Variants in PHF21A observed in about 807,000 individuals in gnomAD.
The protein encoded by PHF21A is BHC80a.
Under a neutral mutation model 82.5 loss-of-function variants are expected in PHF21A, and 11 were observed. The observed-to-expected ratio is 0.13, with a 90% confidence interval of 0.08 to 0.22. The LOEUF (loss-of-function observed/expected upper bound fraction) is 0.22, where lower values mean the gene tolerates loss of function less well. Among genes scored for constraint, PHF21A ranks in the 10% least tolerant of loss-of-function variants. PHF21A has a pLI of 1.00. For synonymous variants in PHF21A, 297 were observed against 302.8 expected (o/e 0.98, Z 0.20); for missense variants, 579 against 837.8 (o/e 0.69, Z 3.81).
chr11:46,016,825 C>T (rs962154084), intron 6 of PHF21A, among the ~76,000 whole-genome samples: 3 of 151,744 alleles, frequency 2.0e-5, no homozygotes, highest in African/African-American at 7.3e-5. Flanking sequence ...ATCTAGAATG[C>T]AGACCTATAG....
intron 11 of PHF21A, 35 bp downstream of exon 11, chr11:45,953,492 T>C (rs371203874): frequency 6.5e-5 from 87 of 1,330,854 alleles, no homozygotes; most frequent in Admixed American, 2.9e-4. Context: ...CCATACACCA[T>C]AGACTGAGAC....
intron 6 of PHF21A, among the ~76,000 whole-genome samples, chr11:46,060,852 T>C (rs1480805642): frequency 6.6e-6 from 1 of 152,182 alleles, no homozygotes; most frequent in Non-Finnish European, 1.5e-5. Flanking sequence ...TTTTGCTCAA[T>C]TGCTTTTGCA....
Position 45,949,550 on chromosome 11 carries a change from T to C in PHF21A, c.1148-69A>G, listed in dbSNP as rs556170360. 3.4e-5 allele frequency: 42 copies of C among 1,241,052 alleles called. 1 individual carries two copies. In the African/African-American group the frequency reaches 5.6e-4, roughly 17 times the overall value. 76.9% of individuals were successfully genotyped at this position (1,241,052 alleles called of 1,614,324 possible). A position where few individuals can be genotyped will look rare whatever the true frequency, so the allele number is the denominator to read the frequency against. ...ACCTAAAAAACTTAACTTCATTGTT[T>C]TATCTATTGGTTTTCCCATAAGAAA... On this transcript the variant is annotated intron_variant, in intron 12 of 18. Coordinates refer to ENST00000676320, the MANE Select transcript of PHF21A (RefSeq NM_001352027.3).
chr11:46,011,704 T>C (rs1011578269), intron 6 of PHF21A, among the ~76,000 whole-genome samples: 1 of 152,328 alleles, frequency 6.6e-6, no homozygotes, highest in East Asian at 1.9e-4. Flanking sequence ...TTTCAAGCAA[T>C]GTATTTAGCT....
rs762160490 is a variant in PHF21A, at chr11:45,935,654, C to T, written c.1770G>A (p.Gln590=). 1 of 1,514,418 alleles carries T rather than the reference C, an allele frequency of 6.6e-7. No homozygotes were observed. The highest frequency in any genetic ancestry group is 1.1e-5 in the South Asian group (1 of 88,990). 93.8% of individuals were successfully genotyped at this position (1,514,418 alleles called of 1,614,324 possible). ...EREQLEQKVK[Q]LSNSISKCME... ...TACTTACACTTATGGAATTGCTGAG[C>T]TGTTTCACCTTTTGCTCTAGTTGTT... Residue 590 remains glutamine, a synonymous_variant, in exon 18 of 19, where the codon CAG becomes CAA. Transcript: ENST00000676320.
At chr11:45,986,032 C>T (rs142730304) in intron 6 of PHF21A, among the ~76,000 whole-genome samples, 293 of 144,402 alleles carry the variant, frequency 2.0e-3, no homozygotes, top group African/African-American at 6.7e-3. Flanking sequence ...GATTAGACTT[C>T]GGCTTACTTT....
chr11:45,946,594 C>T (rs960775528), intron 14 of PHF21A, among the ~76,000 whole-genome samples: 1 of 152,142 alleles, frequency 6.6e-6, no homozygotes, highest in Non-Finnish European at 1.5e-5. Context: ...CCAGGATGGT[C>T]TCGATCTCCT....
Position 45,934,009 on chromosome 11 carries a change from T to C in PHF21A, c.2005A>G (p.Ser669Gly). The change falls in exon 19 of 19, where the codon AGC becomes GGC. Residue 669 changes from serine (S) to glycine (G), a missense_variant. Physicochemically the swap from Ser to Gly is moderately conservative, Grantham distance 56. This residue lies in a region of PHF21A where 157 missense variants were observed against 149.4 expected (regional missense o/e 1.05). Coordinates refer to ENST00000676320, the MANE Select transcript of PHF21A (RefSeq NM_001352027.3). The part of the protein sequence containing the change: ...STPAPSPSSQ[S>G]CTANCNQGEE... ...CCCTGGTTACAGTTCGCTGTGCAGC[T>C]CTGGGAGGAGGGGGAAGGGGCCGGC... 2 of 1,608,392 alleles carry C rather than the reference T, an allele frequency of 1.2e-6. No individual in the cohort carries two copies. The highest frequency in any genetic ancestry group is 1.7e-6 in the Non-Finnish European group (2 of 1,177,224).
chr11:45,945,022 C>A (rs1197189602), intron 15 of PHF21A, among the ~76,000 whole-genome samples: 2 of 152,192 alleles, frequency 1.3e-5, no homozygotes, highest in Admixed American at 1.3e-4. Flanking sequence ...CTCGGCCTCC[C>A]AAAGTGTTGG....
chr11:45,942,117 G>T (rs965177081), intron 15 of PHF21A, among the ~76,000 whole-genome samples: 8 of 152,200 alleles, frequency 5.3e-5, no homozygotes, highest in African/African-American at 1.9e-4. Flanking sequence ...ACTGTAAAAG[G>T]AGAAGTCAAT....
intron 1 of PHF21A, among the ~76,000 whole-genome samples, chr11:46,114,713 T>C (rs1336617237): frequency 6.6e-6 from 1 of 152,170 alleles, no homozygotes; most frequent in Non-Finnish European, 1.5e-5. Flanking sequence ...TGACTGTTAA[T>C]TGAGTGAAAT....
rs371707698 is a variant in PHF21A, at chr11:45,934,548, T to TAA, written c.1789-325_1789-324dup. 1,672 of 213,808 alleles carry TAA rather than the reference T, an allele frequency of 7.8e-3. 28 individuals are homozygous for TAA. Among genetic ancestry groups the TAA allele is most frequent in the African/African-American group, 0.036 (1,463 of 40,652 alleles). The allele number at this position is 213,808 out of a possible 1,614,324, so 13.2% of individuals were successfully genotyped here. A position where few individuals can be genotyped will look rare whatever the true frequency, so the allele number is the denominator to read the frequency against. Reference sequence around the variant, plus strand: ...ATCAGACTTCCAAACAAAGGTTGTTTAAAAAAAAAAAAAAAGTTCCCACAG... The same window carrying TAA: ...ATCAGACTTCCAAACAAAGGTTGTTTAAAAAAAAAAAAAAAAAGTTCCCACAG... On this transcript the variant is annotated intron_variant, in intron 18 of 18. Transcript: ENST00000676320.
chr11:46,051,897 G>A (rs2096372477), intron 6 of PHF21A, among the ~76,000 whole-genome samples: 2 of 152,144 alleles, frequency 1.3e-5, no homozygotes, highest in South Asian at 4.1e-4. Flanking sequence ...GCAATGGTTG[G>A]AACAGTTAAA....
intron 18 of PHF21A, chr11:45,935,398 T>C (rs2088672546): frequency 1.3e-6 from 1 of 752,540 alleles, no homozygotes; most frequent in Middle Eastern, 3.4e-4. Flanking sequence ...AAATCCTCTC[T>C]CTGATTAAAG....
At chr11:46,062,261 T>G (rs2096544516) in intron 6 of PHF21A, among the ~76,000 whole-genome samples, 1 of 152,088 alleles carries the variant, frequency 6.6e-6, no homozygotes, top group Non-Finnish European at 1.5e-5. Flanking sequence ...TGTGGGACAT[T>G]TCCTTATATT....
In PHF21A at chr11:46,045,173, A is replaced by G. The variant is rs188206309; in HGVS notation, c.153+31581T>C. On this transcript the variant is annotated intron_variant, in intron 6 of 18. Coordinates refer to ENST00000676320, the MANE Select transcript of PHF21A (RefSeq NM_001352027.3). Reference sequence around the variant, plus strand: ...TTTCTGTTTCTGGAGCAAAGTCCCAATTGGGTTCCCAAGCTGTTCTTGCTT... The same window carrying G: ...TTTCTGTTTCTGGAGCAAAGTCCCAGTTGGGTTCCCAAGCTGTTCTTGCTT... Among the ~76,000 whole-genome samples, 11 of 152,264 alleles carry G rather than the reference A, an allele frequency of 7.2e-5. No homozygotes were observed. In the East Asian group the frequency reaches 1.5e-3, roughly 21 times the overall value.
chr11:45,949,952 C>T (rs549551802), intron 12 of PHF21A, among the ~76,000 whole-genome samples: 30 of 152,282 alleles, frequency 2.0e-4, no homozygotes, highest in Admixed American at 1.3e-3. Flanking sequence ...AAAAGAAGAG[C>T]TCCCCTAAAT....
intron 6 of PHF21A, among the ~76,000 whole-genome samples, chr11:46,050,421 G>C (rs904972382): frequency 6.6e-6 from 1 of 152,198 alleles, no homozygotes; most frequent in African/African-American, 2.4e-5. Context: ...GGGAGAGCAG[G>C]AGAGCTGGCT....
At chr11:46,066,505 C>T (rs1294893202) in intron 6 of PHF21A, among the ~76,000 whole-genome samples, 1 of 152,040 alleles carries the variant, frequency 6.6e-6, no homozygotes, top group Non-Finnish European at 1.5e-5. Flanking sequence ...CAAGACCAGC[C>T]TGGGCAACAA....
Sources: allele counts gnomAD v4.1 joint callset (sites outside exome capture counted in the v4.1 genomes callset), GRCh38; gene constraint gnomAD v4.1.1; regional missense constraint gnomAD v4.1.1; transcripts MANE v1.5; gene names NCBI Gene and HGNC (gene_info 2026-07-23, HGNC 2026-07-21).